Variants in SCN1A observed in about 807,000 individuals in gnomAD.
SCN1A encodes the protein sodium channel protein type 1 subunit alpha.
A neutral mutation model predicts 193.7 loss-of-function variants in SCN1A; 13 were observed. The ratio of observed to expected loss-of-function variants is 0.07; its 90% CI spans 0.04 to 0.11. The LOEUF (loss-of-function observed/expected upper bound fraction) is 0.11. SCN1A is among the 10% of genes least tolerant of loss of function. The pLI is 1.00. For missense variants in SCN1A, 1,432 were observed against 2,451.1 expected, an observed-to-expected ratio of 0.58 and a Z score of 8.78; for synonymous variants, 781 against 843.6, an observed-to-expected ratio of 0.93 and a Z score of 1.29.
At position 166,054,955 on chromosome 2, in the gene SCN1A, G is replaced by A. The variant is rs1009988999; in HGVS notation, c.474-189C>T. 5.9e-5 allele frequency among the ~76,000 whole-genome samples: 9 copies of A among 151,952 alleles called. No homozygotes were observed. The South Asian group carries it at 6.2e-4, about 10-fold the overall frequency. The stretch of plus-strand genomic sequence containing the variant: ...GCTTCCTAACACAAAGAGTTGTTTC[G>A]TAAAGTGTCTTAAGAGTAGTGTGAG... On this transcript the variant is annotated intron_variant, in intron 6 of 28. Coordinates refer to ENST00000674923, the MANE Select transcript of SCN1A (RefSeq NM_001165963.4).
At chr2:166,107,554 G>C (rs1178663792) in intron 2 of SCN1A, among the ~76,000 whole-genome samples, 1 of 151,820 alleles carries the variant, frequency 6.6e-6, no homozygotes, top group Non-Finnish European at 1.5e-5. Context: ...GAATTTTATA[G>C]TGATCACATA....
At chr2:166,083,357 T>C (rs1685736149) in intron 2 of SCN1A, among the ~76,000 whole-genome samples, 1 of 152,100 alleles carries the variant, frequency 6.6e-6, no homozygotes. Context: ...CAAACTGCAG[T>C]TAAAATAAGG....
chr2:166,043,830 A>T lies in SCN1A; in HGVS notation c.1882T>A (p.Ser628Thr), dbSNP rs752639991. The change falls in exon 14 of 29, where the codon TCA (serine) becomes ACA (threonine). Residue 628 changes from serine (S) to threonine (T), a missense_variant. Transcript: ENST00000674923. ...RNSNLSQTSR[S>T]SRMLAVFPAN... Reference sequence around the variant, plus strand: ...GGAAACACTGCCAGCATCCGGGATGACCTACTGGTCTGACTCAGGTTGCTG... The same window carrying T: ...GGAAACACTGCCAGCATCCGGGATGTCCTACTGGTCTGACTCAGGTTGCTG... 9.3e-6 allele frequency: 15 copies of T among 1,613,980 alleles called. No individual in the cohort carries two copies. The highest frequency in any genetic ancestry group is 2.2e-5 in the East Asian group (1 of 44,882).
chr2:166,141,064 A>G (rs1432252755), intron 1 of SCN1A, among the ~76,000 whole-genome samples: 1 of 151,880 alleles, frequency 6.6e-6, no homozygotes, highest in Non-Finnish European at 1.5e-5. Context: ...CTTAAAGCCT[A>G]CTCACTTCCT....
chr2:166,126,668 A>C (rs1156276872), intron 2 of SCN1A, among the ~76,000 whole-genome samples: 4 of 152,330 alleles, frequency 2.6e-5, no homozygotes, highest in East Asian at 1.9e-4. Context: ...ATAGAAGAAG[A>C]AGACACATTT....
chr2:166,004,474 A>G (rs1450692655), intron 23 of SCN1A, among the ~76,000 whole-genome samples: 1 of 151,158 alleles, frequency 6.6e-6, no homozygotes, highest in Non-Finnish European at 1.5e-5. Flanking sequence ...TTCCATTCTC[A>G]CAGTCACCAC....
At chr2:166,104,175 G>A (rs923231573) in intron 2 of SCN1A, 5 of 152,160 alleles carry the variant, frequency 3.3e-5, no homozygotes, top group Admixed American at 2.6e-4. Flanking sequence ...TACTTTCTAA[G>A]AAAAATTATG....
chr2:166,041,493 AG>A, intron 15 of SCN1A, 24 bp from the exon 16 acceptor site: 2 of 1,401,758 alleles, frequency 1.4e-6, no homozygotes, highest in Non-Finnish European at 2.0e-6. Context: ...AAAAAAAAAA[AG>A]AACCACCAAA....
chr2:166,012,250 C>T lies in SCN1A; in HGVS notation c.3738G>A (p.Lys1246=), dbSNP rs1692572787. ...AFEDIYIDQR[K]TIKTMLEYAD... is the part of the protein sequence containing the mutation. ...CATATTCCAACATCGTCTTAATCGT[C>T]TTTCGCTGATCAATATATATATCTT... Residue 1246 remains lysine, a synonymous_variant, in exon 22 of 29, where the codon AAG becomes AAA. Transcript: ENST00000674923. 6.2e-7 allele frequency: 1 copy of T among 1,609,416 alleles called. No individual in the cohort carries two copies. The highest frequency in any genetic ancestry group is 8.5e-7 in the Non-Finnish European group (1 of 1,176,940).
rs1688887710 is a variant in SCN1A, at chr2:165,989,766, T to C, written c.*1479A>G. The C allele has an allele frequency of 6.6e-6, 1 of 152,604 alleles. No homozygotes were observed. The highest frequency in any genetic ancestry group is 1.5e-5 in the Non-Finnish European group (1 of 68,020). 9.5% of individuals were successfully genotyped at this position (152,604 alleles called of 1,614,324 possible). The stretch of plus-strand genomic sequence containing the variant: ...ATATCAACCTGAAGATAATTTCCTC[T>C]TCATATTTATGTACATAATGCTGAA... On this transcript the variant is annotated 3_prime_UTR_variant, in exon 29 of 29. Transcript: ENST00000674923.
intron 9 of SCN1A, among the ~76,000 whole-genome samples, chr2:166,051,227 T>C (rs1698520887): frequency 6.6e-6 from 1 of 152,028 alleles, no homozygotes; most frequent in Admixed American, 6.6e-5. Context: ...ACAAAGTTGT[T>C]AAATGTATGT....
chr2:166,128,418 T>C (rs1691480303), upstream of SCN1A, among the ~76,000 whole-genome samples: 1 of 152,218 alleles, frequency 6.6e-6, no homozygotes, highest in Non-Finnish European at 1.5e-5. Flanking sequence ...AAACTGTCTT[T>C]TTATTCCACC....
At chr2:166,023,169 C>T (rs535261420) in intron 19 of SCN1A, among the ~76,000 whole-genome samples, 1 of 152,326 alleles carries the variant, frequency 6.6e-6, no homozygotes, top group Admixed American at 6.5e-5. Flanking sequence ...TATACATTAT[C>T]ATGTGGTAAA....
chr2:166,075,546 A>G (rs1249260884), intron 3 of SCN1A, among the ~76,000 whole-genome samples: 2 of 152,012 alleles, frequency 1.3e-5, no homozygotes, highest in East Asian at 3.8e-4. Flanking sequence ...ATTGCATGTT[A>G]TGTGCCATAA....
upstream of SCN1A, among the ~76,000 whole-genome samples, chr2:166,131,372 TTGTAAGACTCCGTCTC>T (rs556471252): frequency 0.027 from 4,152 of 152,172 alleles, 93 homozygotes; most frequent in Non-Finnish European, 0.042. Context: ...CATTTAGTCT[TTGTAAGACTCCGTCTC>T]TGTAAGACTC....
chr2:166,005,263 T>A (rs996869206), intron 23 of SCN1A, among the ~76,000 whole-genome samples: 2 of 151,380 alleles, frequency 1.3e-5, no homozygotes, highest in Non-Finnish European at 3.0e-5. Flanking sequence ...CAAAAATGAA[T>A]GGGTTAATGA....
rs1574203036 is a variant in SCN1A at position 166,041,368 on chromosome 2, C to T, written c.2278G>A (p.Val760Ile). ...CSPYWLKVKH[V>I]VNLVVMDPFV... ...GGGTCCATCACAACCAGGTTGACAA[C>T]ATGTTTCACTTTTAACCAATATGGA... Residue 760 changes from valine (V) to isoleucine (I), a missense_variant, in exon 16 of 29, where the codon GTT (valine) becomes ATT (isoleucine). This residue lies in a region of SCN1A where 316 missense variants were observed against 362.1 expected (regional missense o/e 0.87). Transcript: ENST00000674923. 1.9e-6 allele frequency: 3 copies of T among 1,612,992 alleles called. No individual in the cohort carries two copies. Among genetic ancestry groups the T allele is most frequent in the Middle Eastern group, 1.7e-4 (1 of 6,060 alleles).
At position 166,006,287 on chromosome 2, in the gene SCN1A, T is replaced by G. The variant is rs565631841; in HGVS notation, c.4002+3432A>C. On this transcript the variant is annotated intron_variant, in intron 23 of 28. Transcript: ENST00000674923. ...TGTTGTGGGTTTTAATTAAGACAGT[T>G]TTTTTGTAAGCTATGATATATTGGT... Among the ~76,000 whole-genome samples, 5 of 151,470 alleles carry G rather than the reference T, an allele frequency of 3.3e-5. No individual in the cohort carries two copies. In the Admixed American group the frequency reaches 3.3e-4, roughly 10 times the overall value.
At chr2:166,066,298 T>C (rs1445071601) in intron 4 of SCN1A, among the ~76,000 whole-genome samples, 3 of 152,182 alleles carry the variant, frequency 2.0e-5, no homozygotes, top group African/African-American at 7.2e-5. Context: ...CACTATTATA[T>C]GGTCAGTTAA....
Sources: gnomAD v4.1 joint callset for allele counts (sites outside exome capture counted in the v4.1 genomes callset) on GRCh38, gnomAD v4.1.1 for gene constraint, gnomAD v4.1.1 regional missense constraint, MANE v1.5 for transcripts, NCBI Gene and HGNC (gene_info 2026-07-23, HGNC 2026-07-21) for gene names.